TAFA5: variants seen among roughly 807,000 people sequenced by gnomAD.
TAFA5 encodes chemokine-like protein TAFA-5.
A neutral mutation model predicts 15.3 loss-of-function variants in TAFA5; 6 were observed. The observed-to-expected ratio is 0.39, with a 90% confidence interval of 0.21 to 0.77. The LOEUF (loss-of-function observed/expected upper bound fraction) is 0.77. TAFA5 is among the 30% of genes least tolerant of loss of function. The probability of loss-of-function intolerance (pLI) is 0.41; values close to 1 mark genes in which losing one functional copy is unlikely to be tolerated. For synonymous variants in TAFA5, 103 were observed against 80.7 expected, an observed-to-expected ratio of 1.28 and a Z score of -1.48; for missense variants, 161 against 193.1, an observed-to-expected ratio of 0.83 and a Z score of 0.98.
chr22:48,661,291 A>G (rs566661966), intron 2 of TAFA5, among the ~76,000 whole-genome samples: 2 of 152,198 alleles, frequency 1.3e-5, no homozygotes, highest in East Asian at 3.9e-4. Flanking sequence ...CGCCTCGGGC[A>G]CGTCTTGCCT....
At chr22:48,649,676 C>A (rs936866463) in intron 2 of TAFA5, among the ~76,000 whole-genome samples, 4 of 152,030 alleles carry the variant, frequency 2.6e-5, no homozygotes, top group Non-Finnish European at 4.4e-5. Context: ...GCTTCTCCCA[C>A]AGCCACAGCC....
At chr22:48,704,200 G>GCGCA (rs1003524010) in intron 2 of TAFA5, among the ~76,000 whole-genome samples, 53 of 150,222 alleles carry the variant, frequency 3.5e-4, no homozygotes, top group African/African-American at 1.3e-3. Flanking sequence ...ACACACACGC[G>GCGCA]CACACACACA....
At chr22:48,696,145 G>T (rs1276948742) in intron 2 of TAFA5, among the ~76,000 whole-genome samples, 5 of 152,200 alleles carry the variant, frequency 3.3e-5, no homozygotes, top group African/African-American at 9.6e-5. Context: ...GAGAAGTGGC[G>T]CAGGCTGCCC....
At chr22:48,698,885 A>G (rs1027446896) in intron 2 of TAFA5, among the ~76,000 whole-genome samples, 10 of 149,168 alleles carry the variant, frequency 6.7e-5, no homozygotes, top group Non-Finnish European at 1.2e-4. Flanking sequence ...CTCCTGCTCT[A>G]CTGACCAGCC....
At chr22:48,521,977 G>A (rs918384981) in intron 1 of TAFA5, among the ~76,000 whole-genome samples, 4 of 152,172 alleles carry the variant, frequency 2.6e-5, no homozygotes, top group Non-Finnish European at 4.4e-5. Context: ...CCGAGCTCCC[G>A]GCCAGCCAGT....
chr22:48,546,833 C>A (rs991461971), intron 1 of TAFA5: 1 of 311,692 alleles, frequency 3.2e-6, no homozygotes, highest in Admixed American at 4.4e-5. Flanking sequence ...CAGGAGGCTC[C>A]ACCCTCTCGT....
At chr22:48,594,202 C>T (rs1158400574) in intron 1 of TAFA5, among the ~76,000 whole-genome samples, 2 of 152,196 alleles carry the variant, frequency 1.3e-5, no homozygotes, top group Non-Finnish European at 2.9e-5. Flanking sequence ...AGTGGAACTG[C>T]CCGGCGTTGG....
At chr22:48,572,798 C>T (rs1011848573) in intron 1 of TAFA5, among the ~76,000 whole-genome samples, 5 of 152,256 alleles carry the variant, frequency 3.3e-5, no homozygotes, top group African/African-American at 9.6e-5. Flanking sequence ...AGTAGTGGGA[C>T]GACCATAATT....
In TAFA5 at chr22:48,520,824, C is replaced by G. The variant is rs368162960; in HGVS notation, c.112+31120C>G. 2.6e-5 allele frequency among the ~76,000 whole-genome samples: 4 copies of G among 152,194 alleles called. No homozygotes were observed. The South Asian group carries it at 6.2e-4, about 24-fold the overall frequency. ...CCCTAAACAAGGGGATCTGGAAGGT[C>G]GGGAAAAGCCCACTGTCTTTCAGAC... On this transcript the variant is annotated intron_variant, in intron 1 of 3. Transcript: ENST00000402357.
At chr22:48,733,896 CAA>C (rs1362433162) in intron 3 of TAFA5, among the ~76,000 whole-genome samples, 2 of 152,172 alleles carry the variant, frequency 1.3e-5, no homozygotes, top group African/African-American at 4.8e-5. Context: ...ACAAGTTTGC[CAA>C]CCCCTGGACC....
intron 1 of TAFA5, chr22:48,576,714 GC>G: frequency 9.6e-7 from 1 of 1,043,778 alleles, no homozygotes; most frequent in Middle Eastern, 3.6e-4. Context: ...GCCCGGAGCG[GC>G]CGGCGGCGCG....
intron 2 of TAFA5, among the ~76,000 whole-genome samples, chr22:48,652,126 C>T (rs887529173): frequency 9.9e-5 from 15 of 152,266 alleles, no homozygotes; most frequent in Non-Finnish European, 1.5e-4. Flanking sequence ...CACCTCGAGG[C>T]GCCAACGGGG....
intron 3 of TAFA5, among the ~76,000 whole-genome samples, chr22:48,711,325 T>C (rs1929246450): frequency 6.6e-6 from 1 of 151,608 alleles, no homozygotes; most frequent in Non-Finnish European, 1.5e-5. Context: ...CATGTTGCTA[T>C]GGCGGGGGCA....
intron 2 of TAFA5, among the ~76,000 whole-genome samples, chr22:48,694,261 G>A (rs1207474725): frequency 6.6e-6 from 1 of 152,242 alleles, no homozygotes; most frequent in East Asian, 1.9e-4. Context: ...GGCCCTGACA[G>A]TCGGCAGCTG....
chr22:48,514,523 G>A (rs546177738), intron 1 of TAFA5, among the ~76,000 whole-genome samples: 8 of 152,264 alleles, frequency 5.3e-5, no homozygotes, highest in South Asian at 4.1e-4. Flanking sequence ...TCCAGAACTT[G>A]GGCCACATCT....
chr22:48,489,755 C>G lies in TAFA5; in HGVS notation c.112+51C>G, dbSNP rs1313572731. 1 of 1,188,976 alleles carries G rather than the reference C, an allele frequency of 8.4e-7. No individual in the cohort carries two copies. Among genetic ancestry groups the G allele is most frequent in the East Asian group, 3.5e-5 (1 of 28,906 alleles). 73.7% of individuals were successfully genotyped at this position (1,188,976 alleles called of 1,614,324 possible). On this transcript the variant is annotated intron_variant, in intron 1 of 3. Coordinates refer to ENST00000402357, the MANE Select transcript of TAFA5 (RefSeq NM_001082967.3). This position sits in a 1 kb window ranked among gnomAD's most constrained non-coding sequence, Gnocchi z 5.5. ...GGCACGGCCCTCTGGGCCCCGGACC[C>G]CCTCCTCCGGCCCCGGCAGGCGCCC...
At chr22:48,583,980 C>G (rs1015179559) in intron 1 of TAFA5, among the ~76,000 whole-genome samples, 1 of 145,832 alleles carries the variant, frequency 6.9e-6, no homozygotes, top group East Asian at 2.1e-4. Context: ...ACCACACACA[C>G]CATATACACC....
intron 1 of TAFA5, among the ~76,000 whole-genome samples, chr22:48,591,851 C>G (rs541575584): frequency 2.6e-5 from 4 of 152,336 alleles, no homozygotes; most frequent in East Asian, 1.9e-4. Flanking sequence ...CGACCTCCCC[C>G]ACGGAGTCTC....
At chr22:48,559,884 T>A (rs953173602) in intron 1 of TAFA5, among the ~76,000 whole-genome samples, 1 of 152,130 alleles carries the variant, frequency 6.6e-6, no homozygotes, top group Non-Finnish European at 1.5e-5. Flanking sequence ...TCGCCAGAGA[T>A]GCGGTCGCCG....
Sources: allele counts gnomAD v4.1 joint callset (sites outside exome capture counted in the v4.1 genomes callset), GRCh38; gene constraint gnomAD v4.1.1; non-coding constraint Gnocchi (gnomAD v3.1); transcripts MANE v1.5; gene names NCBI Gene and HGNC (gene_info 2026-07-23, HGNC 2026-07-21).